The following DAB1 variants were observed in gnomAD, a reference collection of about 807,000 sequenced individuals.
The protein encoded by DAB1 is DAB adaptor protein 1, also known as disabled homolog 1.
A neutral mutation model predicts 64.6 loss-of-function variants in DAB1; 15 were observed. That is an observed-to-expected ratio of 0.23 (90% CI 0.16 to 0.36). DAB1 has a LOEUF of 0.36. Ranked by LOEUF, DAB1 falls within the 10% of genes least tolerant of loss-of-function variation. The pLI, the probability that DAB1 is intolerant of heterozygous loss-of-function variation, is 1.00. For missense variants in DAB1, 596 were observed against 706.7 expected (o/e 0.84, Z 1.78); for synonymous variants, 235 against 251.9 (o/e 0.93, Z 0.64).
At chr1:57,454,259 G>T (rs2101161332) in intron 7 of DAB1, among the ~76,000 whole-genome samples, 1 of 152,234 alleles carries the variant, frequency 6.6e-6, no homozygotes, top group South Asian at 2.1e-4. Flanking sequence ...CAACCTAACT[G>T]CCCATCAGTG....
chr1:57,015,341 A>T lies in DAB1; in HGVS notation c.986T>A (p.Val329Asp). 4 of 1,614,066 alleles carry T rather than the reference A, an allele frequency of 2.5e-6. No individual in the cohort carries two copies. Among genetic ancestry groups the T allele is most frequent in the Non-Finnish European group, 3.4e-6 (4 of 1,180,028 alleles). The change falls in exon 12 of 15, where the codon GTC (valine) becomes GAC (aspartate). Residue 329 changes from valine (V) to aspartate (D), a missense_variant. Val to Asp is a radical substitution (Grantham distance 152). Around this residue, in one of 3 missense-constraint regions of DAB1, gnomAD observed 377 missense variants for 400.4 expected, o/e 0.94. Coordinates refer to ENST00000371236, the MANE Select transcript of DAB1 (RefSeq NM_001365792.1). ...CTGAGCCCCCGGCATCACCTGAGCG[A>T]CTGGTGGCTGGGCACCCATGACCAT... ...QQMVMGAQPP[V>D]AQVMPGAQPI... is the part of the protein sequence containing the mutation.
intron 4 of DAB1, among the ~76,000 whole-genome samples, chr1:57,131,116 C>T (rs976632983): frequency 2.3e-4 from 35 of 152,160 alleles, no homozygotes; most frequent in African/African-American, 8.0e-4. Context: ...ATTTCCTAAC[C>T]ACTCCTTAGA....
intron 4 of DAB1, among the ~76,000 whole-genome samples, chr1:58,279,938 T>C (rs1661519753): frequency 6.6e-6 from 1 of 152,214 alleles, no homozygotes; most frequent in African/African-American, 2.4e-5. Context: ...GTGTTTGGAA[T>C]TGGACTCTGT....
At chr1:58,168,032 A>C (rs1182483053) in intron 4 of DAB1, among the ~76,000 whole-genome samples, 1 of 152,230 alleles carries the variant, frequency 6.6e-6, no homozygotes, top group Non-Finnish European at 1.5e-5. Context: ...GACTATCGCC[A>C]AGTGGTGAGA....
chr1:58,351,667 C>G (rs2100515759), intron 3 of DAB1, among the ~76,000 whole-genome samples: 1 of 151,740 alleles, frequency 6.6e-6, no homozygotes, highest in Middle Eastern at 3.4e-3. Flanking sequence ...AGAAGACGCC[C>G]ATGCCAATCT....
intron 9 of DAB1, among the ~76,000 whole-genome samples, chr1:57,053,163 A>G (rs1415578550): frequency 1.3e-5 from 2 of 152,236 alleles, no homozygotes; most frequent in Non-Finnish European, 2.9e-5. Flanking sequence ...GTGATCAACA[A>G]AGATCATACC....
intron 7 of DAB1, among the ~76,000 whole-genome samples, chr1:57,589,912 T>C (rs1414245806): frequency 6.6e-6 from 1 of 152,140 alleles, no homozygotes; most frequent in East Asian, 1.9e-4. Context: ...TAGTAAGCAG[T>C]ATAGGAGATA....
At chr1:57,865,262 G>A (rs944478319) in intron 1 of DAB1, among the ~76,000 whole-genome samples, 5 of 152,168 alleles carry the variant, frequency 3.3e-5, no homozygotes, top group African/African-American at 1.2e-4. Flanking sequence ...GCATGCACTT[G>A]GGAAACAAGA....
intron 5 of DAB1, among the ~76,000 whole-genome samples, chr1:58,097,444 A>G (rs1384452905): frequency 6.6e-6 from 1 of 152,228 alleles, no homozygotes; most frequent in African/African-American, 2.4e-5. Context: ...ATGATGTGAA[A>G]GAGAAGCTCC....
chr1:57,759,472 G>A (rs757242914), intron 6 of DAB1, among the ~76,000 whole-genome samples: 1 of 152,216 alleles, frequency 6.6e-6, no homozygotes, highest in Non-Finnish European at 1.5e-5. Flanking sequence ...AATTATTTTG[G>A]CATGATGATA....
chr1:57,135,371 C>T (rs1557783299), intron 4 of DAB1, among the ~76,000 whole-genome samples: 2 of 152,072 alleles, frequency 1.3e-5, no homozygotes, highest in East Asian at 1.9e-4. Flanking sequence ...TCTTTTTGTG[C>T]CTGGCTTAAT....
intron 5 of DAB1, among the ~76,000 whole-genome samples, chr1:57,904,183 A>C (rs1644515990): frequency 6.6e-6 from 1 of 152,186 alleles, no homozygotes; most frequent in Admixed American, 6.5e-5. Flanking sequence ...ACAAGTTCCT[A>C]GGTGAAGCTG....
upstream of DAB1, among the ~76,000 whole-genome samples, chr1:57,886,163 CTTT>C (rs36101963): frequency 2.3e-5 from 3 of 129,478 alleles, no homozygotes; most frequent in Admixed American, 7.8e-5. Flanking sequence ...GCCTACTATT[CTTT>C]TTTTTTTTTT....
intron 2 of DAB1, among the ~76,000 whole-genome samples, chr1:58,514,433 T>G (rs766455724): frequency 6.0e-4 from 92 of 152,190 alleles, no homozygotes; most frequent in Non-Finnish European, 1.2e-3. Context: ...TCATTAGAAA[T>G]GCAAAGATGA....
At chr1:58,203,312 G>C (rs541700251) in intron 4 of DAB1, among the ~76,000 whole-genome samples, 13 of 152,102 alleles carry the variant, frequency 8.5e-5, no homozygotes, top group Non-Finnish European at 1.8e-4. Flanking sequence ...GAATATCTGG[G>C]CTTTAAATTA....
At chr1:57,477,003 G>A (rs1643946653) in intron 7 of DAB1, among the ~76,000 whole-genome samples, 1 of 152,194 alleles carries the variant, frequency 6.6e-6, no homozygotes, top group Non-Finnish European at 1.5e-5. Context: ...TGATAAGTTT[G>A]TTGTGAAGAT....
intron 1 of DAB1, among the ~76,000 whole-genome samples, chr1:57,345,026 G>C (rs1677968237): frequency 6.6e-6 from 1 of 152,150 alleles, no homozygotes; most frequent in Non-Finnish European, 1.5e-5. Flanking sequence ...AGACAGTCTT[G>C]TTTATCTGGA....
intron 6 of DAB1, among the ~76,000 whole-genome samples, chr1:57,704,131 C>T (rs1646938499): frequency 6.6e-6 from 1 of 151,988 alleles, no homozygotes; most frequent in South Asian, 2.1e-4. Flanking sequence ...TAAAACAAAC[C>T]CCCATGACAA....
chr1:57,910,198 G>A (rs1320325087), intron 5 of DAB1, among the ~76,000 whole-genome samples: 7 of 152,156 alleles, frequency 4.6e-5, no homozygotes, highest in Non-Finnish European at 1.0e-4. Context: ...CTGCTCCCCT[G>A]GGCTTGGATG....
Sources: gnomAD v4.1 joint callset for allele counts (sites outside exome capture counted in the v4.1 genomes callset) on GRCh38, gnomAD v4.1.1 for gene constraint, gnomAD v4.1.1 regional missense constraint, MANE v1.5 for transcripts, NCBI Gene and HGNC (gene_info 2026-07-23, HGNC 2026-07-21) for gene names.